FOXP2: variants seen among roughly 807,000 people sequenced by gnomAD.
FOXP2 encodes the protein forkhead box P2.
In FOXP2, 12 loss-of-function variants were observed where a neutral mutation model predicts 115.8. That is an observed-to-expected ratio of 0.10 (90% CI 0.07 to 0.17). The LOEUF is 0.17. FOXP2 is among the 10% of genes least tolerant of loss of function. The pLI, the probability that FOXP2 is intolerant of heterozygous loss-of-function variation, is 1.00. For missense variants in FOXP2, 629 were observed against 843.5 expected, an observed-to-expected ratio of 0.75 and a Z score of 3.15; for synonymous variants, 328 against 297.7, an observed-to-expected ratio of 1.10 and a Z score of -1.05.
chr7:114,222,857 T>G (rs1012789941), intron 1 of FOXP2, among the ~76,000 whole-genome samples: 3 of 152,190 alleles, frequency 2.0e-5, no homozygotes, highest in Non-Finnish European at 2.9e-5. Context: ...GTAATCTTTT[T>G]GGCCACTCAT....
intron 2 of FOXP2, among the ~76,000 whole-genome samples, chr7:114,503,395 A>G (rs1207981490): frequency 6.6e-6 from 1 of 151,690 alleles, no homozygotes; most frequent in Admixed American, 6.6e-5. Context: ...CTATCTAAGG[A>G]TGACAATGGC....
chr7:114,403,315 G>C (rs1792938997), intron 2 of FOXP2, among the ~76,000 whole-genome samples: 1 of 152,106 alleles, frequency 6.6e-6, no homozygotes, highest in Non-Finnish European at 1.5e-5. Flanking sequence ...AAACCATCTT[G>C]ATTCTCAGAA....
At position 114,109,409 on chromosome 7, in the gene FOXP2, T is replaced by C. The variant is rs561119263; in HGVS notation, c.-247+21571T>C. Among the ~76,000 whole-genome samples, 3 of 152,152 alleles carry C rather than the reference T, an allele frequency of 2.0e-5. No homozygotes were observed. The East Asian group carries it at 5.8e-4, about 29-fold the overall frequency. ...AGTATAAATCAAAATAACAACATAGTTTGTGAAGTGTGGTTGCAATAATAA... is the reference window on the plus strand; with the variant it reads ...AGTATAAATCAAAATAACAACATAGCTTGTGAAGTGTGGTTGCAATAATAA... On this transcript the variant is annotated intron_variant, in intron 1 of 19. Coordinates refer to the FOXP2 transcript ENST00000635638.
intron 2 of FOXP2, among the ~76,000 whole-genome samples, chr7:114,506,847 T>C (rs923598128): frequency 6.6e-6 from 1 of 151,714 alleles, no homozygotes; most frequent in Non-Finnish European, 1.5e-5. Context: ...GATGGAACAT[T>C]GAATGTAAGA....
intron 6 of FOXP2, among the ~76,000 whole-genome samples, chr7:114,640,913 A>G (rs1051562598): frequency 6.6e-6 from 1 of 152,202 alleles, no homozygotes; most frequent in Non-Finnish European, 1.5e-5. Context: ...CTTGTAAAAT[A>G]TAATGATTTC....
At chr7:114,191,503 A>G (rs1413136338) in intron 1 of FOXP2, among the ~76,000 whole-genome samples, 2 of 152,244 alleles carry the variant, frequency 1.3e-5, no homozygotes, top group African/African-American at 4.8e-5. Context: ...TGGACCCTCA[A>G]GCACAAATGT....
chr7:114,529,510 T>C (rs1799035628), intron 2 of FOXP2, among the ~76,000 whole-genome samples: 1 of 151,864 alleles, frequency 6.6e-6, no homozygotes, highest in Admixed American at 6.6e-5. Context: ...TATTTTATAA[T>C]TATTATACAA....
At chr7:114,557,077 G>A (rs928974802) in intron 3 of FOXP2, among the ~76,000 whole-genome samples, 3 of 152,082 alleles carry the variant, frequency 2.0e-5, no homozygotes, top group African/African-American at 7.2e-5. Flanking sequence ...AAGCAAGAAA[G>A]ACTTTTGCTT....
At chr7:114,188,478 T>C (rs1793670440) in intron 1 of FOXP2, among the ~76,000 whole-genome samples, 1 of 152,220 alleles carries the variant, frequency 6.6e-6, no homozygotes, top group Non-Finnish European at 1.5e-5. Flanking sequence ...TAATGTCTTA[T>C]CTATGAGCTT....
At chr7:114,448,057 G>C (rs2129216658) in intron 2 of FOXP2, among the ~76,000 whole-genome samples, 1 of 152,220 alleles carries the variant, frequency 6.6e-6, no homozygotes, top group Non-Finnish European at 1.5e-5. Context: ...ATTTTAAGTG[G>C]CCAAGTTCAT....
At chr7:114,411,195 T>G (rs1036928934), upstream of FOXP2, among the ~76,000 whole-genome samples, 1 of 152,108 alleles carries the variant, frequency 6.6e-6, no homozygotes, top group Non-Finnish European at 1.5e-5. Context: ...ACCATATTCT[T>G]TATCTGGCTT....
chr7:114,172,162 C>A (rs1793161832), intron 1 of FOXP2, among the ~76,000 whole-genome samples: 1 of 152,138 alleles, frequency 6.6e-6, no homozygotes, highest in Admixed American at 6.5e-5. Context: ...ACTTAATCTA[C>A]TACAGTATAA....
chr7:114,251,640 G>T (rs1795447458), intron 1 of FOXP2, among the ~76,000 whole-genome samples: 1 of 152,164 alleles, frequency 6.6e-6, no homozygotes, highest in Non-Finnish European at 1.5e-5. Flanking sequence ...CTTTGAATTT[G>T]TATCCTGAGA....
chr7:114,412,284 A>C (rs115479838), upstream of FOXP2, among the ~76,000 whole-genome samples: 878 of 152,240 alleles, frequency 5.8e-3, 11 homozygotes, highest in African/African-American at 0.02. Flanking sequence ...GAGTTTTACT[A>C]TGTAATGTAA....
At chr7:114,532,998 A>G (rs1233668138) in intron 2 of FOXP2, among the ~76,000 whole-genome samples, 1 of 151,912 alleles carries the variant, frequency 6.6e-6, no homozygotes, top group Non-Finnish European at 1.5e-5. Context: ...GTAATTACAG[A>G]TTTTTTTGTT....
At chr7:114,407,087 GA>G (rs1793054314) in intron 2 of FOXP2, among the ~76,000 whole-genome samples, 1 of 151,912 alleles carries the variant, frequency 6.6e-6, no homozygotes, top group African/African-American at 2.4e-5. Context: ...TTGGGAAGAG[GA>G]AATAAATCAG....
At chr7:114,340,509 A>G (rs1204989465) in intron 2 of FOXP2, among the ~76,000 whole-genome samples, 1 of 151,172 alleles carries the variant, frequency 6.6e-6, no homozygotes, top group African/African-American at 2.4e-5. Flanking sequence ...CTTAAAATTC[A>G]GGTACATAAC....
chr7:114,323,742 T>C (rs182986755), intron 2 of FOXP2, among the ~76,000 whole-genome samples: 141 of 152,156 alleles, frequency 9.3e-4, no homozygotes, highest in Non-Finnish European at 1.6e-3. Context: ...AGAGTACTTA[T>C]AATTTTCCTC....
chr7:114,349,743 T>C (rs927618578), intron 2 of FOXP2, among the ~76,000 whole-genome samples: 3 of 151,960 alleles, frequency 2.0e-5, no homozygotes, highest in Non-Finnish European at 4.4e-5. Context: ...CAATTAAATG[T>C]GAAAATAGAA....
Sources: allele counts gnomAD v4.1 joint callset (sites outside exome capture counted in the v4.1 genomes callset), GRCh38; gene constraint gnomAD v4.1.1; transcripts MANE v1.5; gene names NCBI Gene and HGNC (gene_info 2026-07-23, HGNC 2026-07-21).